The following MAP2K6 variants were observed in gnomAD, a reference collection of about 807,000 sequenced individuals.
The protein encoded by MAP2K6 is mitogen-activated protein kinase kinase 6.
Under a neutral mutation model 53.7 loss-of-function variants are expected in MAP2K6, and 16 were observed. That is an observed-to-expected ratio of 0.30 (90% CI 0.20 to 0.45). The LOEUF (loss-of-function observed/expected upper bound fraction) is 0.45, where lower values mean the gene tolerates loss of function less well. MAP2K6 is among the 20% of genes least tolerant of loss of function. The pLI is 1.00. For synonymous variants in MAP2K6, 132 were observed against 143.1 expected (o/e 0.92, Z 0.55); for missense variants, 204 against 411.9 (o/e 0.50, Z 4.37).
chr17:69,481,339 G>A (rs189244176), intron 1 of MAP2K6, among the ~76,000 whole-genome samples: 82 of 152,168 alleles, frequency 5.4e-4, no homozygotes, highest in Non-Finnish European at 9.3e-4. Context: ...TCTTCTTAAG[G>A]CTGAATAATC....
chr17:69,414,873 T>A lies in MAP2K6; in HGVS notation c.-112T>A. The A allele has an allele frequency of 1.1e-6, 1 of 947,336 alleles. No individual in the cohort carries two copies. Among genetic ancestry groups the A allele is most frequent in the Non-Finnish European group, 1.7e-6 (1 of 597,612 alleles). 58.7% of individuals were successfully genotyped at this position (947,336 alleles called of 1,614,324 possible). On this transcript the variant is annotated 5_prime_UTR_variant, in exon 1 of 12. The change creates a new upstream start codon in the 5' untranslated region. Transcript: ENST00000590474. ...CTGCATCGGTCAAGAGAAACTCCAC[T>A]TGCATGAAGATTGCACGCCTGCAGC...
chr17:69,507,512 A>G (rs2716212), intron 2 of MAP2K6, among the ~76,000 whole-genome samples: 62,607 of 152,034 alleles, frequency 0.41, 13,010 homozygotes, highest in East Asian at 0.52. Flanking sequence ...CTTAATCCCC[A>G]GCAACCGCTA....
chr17:69,511,120 C>G (rs376290836), intron 2 of MAP2K6, among the ~76,000 whole-genome samples: 1 of 151,682 alleles, frequency 6.6e-6, no homozygotes, highest in Non-Finnish European at 1.5e-5. Flanking sequence ...TACCATAAAC[C>G]CTTTCTTGGT....
intron 1 of MAP2K6, among the ~76,000 whole-genome samples, chr17:69,491,849 G>A (rs1320087256): frequency 3.9e-5 from 6 of 151,948 alleles, no homozygotes; most frequent in African/African-American, 7.3e-5. Flanking sequence ...TTATTTCACC[G>A]TGGTTTTGAT....
chr17:69,520,785 C>T (rs962978539), intron 6 of MAP2K6: 32 of 417,074 alleles, frequency 7.7e-5, no homozygotes, highest in Non-Finnish European at 1.2e-4. Context: ...TATTCAGGCT[C>T]AGGAGGGTGG....
chr17:69,538,889 T>C (rs1353290281), intron 11 of MAP2K6, among the ~76,000 whole-genome samples: 5 of 152,190 alleles, frequency 3.3e-5, no homozygotes, highest in African/African-American at 9.7e-5. Flanking sequence ...TTACAATGGC[T>C]TAATTCAGTG....
At chr17:69,492,158 A>G (rs1193330175) in intron 1 of MAP2K6, among the ~76,000 whole-genome samples, 1 of 152,164 alleles carries the variant, frequency 6.6e-6, no homozygotes, top group South Asian at 2.1e-4. Flanking sequence ...TAGTTTAATT[A>G]GATCCTGTTT....
In MAP2K6 at chr17:69,525,041, C is replaced by T. The variant is rs151165390; in HGVS notation, c.741+63C>T. ...GGTAATGAAACTAGAATGAGGTGGA[C>T]GTTGGGTTCAAGAAACAAATGCCCT... On this transcript the variant is annotated intron_variant, in intron 9 of 11. Transcript: ENST00000590474. 380 of 1,424,102 alleles carry T rather than the reference C, an allele frequency of 2.7e-4. No homozygotes were observed. In the East Asian group the frequency reaches 3.1e-3, roughly 12 times the overall value. The allele number at this position is 1,424,102 out of a possible 1,614,324, so 88.2% of individuals were successfully genotyped here.
In MAP2K6 at chr17:69,516,874, T is replaced by C; in HGVS notation, c.103T>C (p.Ser35Pro). 6.3e-7 allele frequency: 1 copy of C among 1,597,812 alleles called. No individual in the cohort carries two copies. The change falls in exon 3 of 12, where the codon TCC becomes CCC. Residue 35 changes from serine to proline, a missense_variant. Transcript: ENST00000590474. ...TSSTPPRDLD[S>P]KACISIGNQN... ...TCTTAGACCACCTCGAGATTTAGACTCCAAGGCTTGCATTTCTATTGGAAA... is the reference window on the plus strand; with the variant it reads ...TCTTAGACCACCTCGAGATTTAGACCCCAAGGCTTGCATTTCTATTGGAAA...
chr17:69,452,891 C>A (rs1219297815), intron 1 of MAP2K6, among the ~76,000 whole-genome samples: 3 of 152,200 alleles, frequency 2.0e-5, no homozygotes, highest in Non-Finnish European at 4.4e-5. Flanking sequence ...TTGTTTGCGT[C>A]TTAACATTGG....
At chr17:69,475,467 C>G (rs1325025226) in intron 1 of MAP2K6, among the ~76,000 whole-genome samples, 1 of 152,178 alleles carries the variant, frequency 6.6e-6, no homozygotes, top group Non-Finnish European at 1.5e-5. Context: ...CGCGCCCGGC[C>G]CTGTGTTTGT....
chr17:69,450,101 ATTTTTTTTTT>A (rs55956707), intron 1 of MAP2K6, among the ~76,000 whole-genome samples: 2 of 124,902 alleles, frequency 1.6e-5, no homozygotes, highest in Non-Finnish European at 3.3e-5. Context: ...CACCTGGCTA[ATTTTTTTTTT>A]TTTTTTTTTT....
At chr17:69,506,445 T>A (rs944594408) in intron 2 of MAP2K6, among the ~76,000 whole-genome samples, 4 of 151,864 alleles carry the variant, frequency 2.6e-5, no homozygotes, top group Non-Finnish European at 5.9e-5. Context: ...TATCTGTCTC[T>A]GTGTGGTGGG....
At chr17:69,505,133 GA>G (rs371778595) in intron 1 of MAP2K6, among the ~76,000 whole-genome samples, 7 of 144,422 alleles carry the variant, frequency 4.8e-5, no homozygotes, top group Non-Finnish European at 7.6e-5. Flanking sequence ...TAGTGTAAAA[GA>G]AAAAAAAAAC....
chr17:69,483,414 A>G (rs893018205), intron 1 of MAP2K6, among the ~76,000 whole-genome samples: 1 of 152,132 alleles, frequency 6.6e-6, no homozygotes. Flanking sequence ...TGCAAATCTT[A>G]TACTCTGAAA....
In MAP2K6 at chr17:69,514,624, C is replaced by T. The variant is rs545411442; in HGVS notation, c.84-2231C>T. On this transcript the variant is annotated intron_variant, in intron 2 of 11. Transcript: ENST00000590474. Reference sequence around the variant, plus strand: ...TCACCCAGGCTGGAGCGCAGTGGCACGATCTTGGCTCACTTCAACCTCTGC... The same window carrying T: ...TCACCCAGGCTGGAGCGCAGTGGCATGATCTTGGCTCACTTCAACCTCTGC... Among the ~76,000 whole-genome samples the T allele has an allele frequency of 1.6e-4, 24 of 152,166 alleles. No individual in the cohort carries two copies. In the South Asian group the frequency reaches 4.2e-3, roughly 26 times the overall value.
At chr17:69,447,507 C>T (rs1017039986) in intron 1 of MAP2K6, among the ~76,000 whole-genome samples, 23 of 151,460 alleles carry the variant, frequency 1.5e-4, no homozygotes, top group African/African-American at 4.6e-4. Context: ...CACCATGCCT[C>T]GCTAATTTTT....
At chr17:69,451,806 T>C (rs1907237176) in intron 1 of MAP2K6, among the ~76,000 whole-genome samples, 1 of 151,988 alleles carries the variant, frequency 6.6e-6, no homozygotes, top group Non-Finnish European at 1.5e-5. Flanking sequence ...CATAGTGAAG[T>C]GGTTCTCTTT....
At chr17:69,437,185 G>A (rs1023602522) in intron 1 of MAP2K6, among the ~76,000 whole-genome samples, 1 of 152,098 alleles carries the variant, frequency 6.6e-6, no homozygotes, top group African/African-American at 2.4e-5. Context: ...TTGACCAGAA[G>A]CCTTACCAAT....
Sources: allele counts gnomAD v4.1 joint callset (sites outside exome capture counted in the v4.1 genomes callset), GRCh38; gene constraint gnomAD v4.1.1; transcripts MANE v1.5; gene names NCBI Gene and HGNC (gene_info 2026-07-23, HGNC 2026-07-21).